The following NRXN2 variants were observed in gnomAD, a reference collection of about 807,000 sequenced individuals.
NRXN2 encodes the protein neurexin-2-beta.
A neutral mutation model predicts 128.8 loss-of-function variants in NRXN2; 29 were observed. The ratio of observed to expected loss-of-function variants is 0.23; its 90% CI spans 0.17 to 0.31. The LOEUF (loss-of-function observed/expected upper bound fraction) is 0.31. Among genes scored for constraint, NRXN2 ranks in the 10% least tolerant of loss-of-function variants. NRXN2 has a pLI of 1.00. For synonymous variants in NRXN2, 1,098 were observed against 1,075.2 expected, an observed-to-expected ratio of 1.02 and a Z score of -0.41; for missense variants, 1,881 against 2,452.6, an observed-to-expected ratio of 0.77 and a Z score of 4.92.
intron 2 of NRXN2, among the ~76,000 whole-genome samples, chr11:64,704,486 AAG>A (rs2055937490): frequency 1.3e-5 from 2 of 152,228 alleles, no homozygotes; most frequent in South Asian, 4.1e-4. Context: ...AACGAAAAAA[AAG>A]AACTGTCATT....
intron 22 of NRXN2, among the ~76,000 whole-genome samples, chr11:64,610,441 G>A (rs995531899): frequency 6.6e-6 from 1 of 152,124 alleles, no homozygotes; most frequent in East Asian, 1.9e-4. Flanking sequence ...CTCATGAGGA[G>A]CCCAAGAAAA....
At chr11:64,655,415 A>C (rs2048116172) in intron 11 of NRXN2, among the ~76,000 whole-genome samples, 1 of 152,136 alleles carries the variant, frequency 6.6e-6, no homozygotes, top group Non-Finnish European at 1.5e-5. Context: ...GGCTGCACAG[A>C]GGGGACAGGG....
chr11:64,609,423 T>C (rs531232843), intron 22 of NRXN2, among the ~76,000 whole-genome samples: 3 of 152,250 alleles, frequency 2.0e-5, no homozygotes, highest in East Asian at 1.9e-4. Flanking sequence ...ACCTGCTAAA[T>C]AGGGCCCATG....
chr11:64,692,260 G>A (rs902620965), intron 4 of NRXN2, among the ~76,000 whole-genome samples: 47 of 152,192 alleles, frequency 3.1e-4, no homozygotes, highest in African/African-American at 1.0e-3. Context: ...GAAGGCGTGC[G>A]GGTGGGCAGG....
At chr11:64,647,157 G>A (rs79210240) in intron 17 of NRXN2, among the ~76,000 whole-genome samples, 2,649 of 151,950 alleles carry the variant, frequency 0.017, 64 homozygotes, top group African/African-American at 0.059. Flanking sequence ...TCCAGAAATC[G>A]ACTGTCCCTC....
chr11:64,667,986 G>A lies in NRXN2; in HGVS notation c.1360-298C>T, dbSNP rs574957343. On this transcript the variant is annotated intron_variant, in intron 8 of 22. Transcript: ENST00000265459. This position sits in a 1 kb window ranked among gnomAD's most constrained non-coding sequence, Gnocchi z 5.6. ...TCATAATAATGACAAGGCCACTGACGTGTGGTAGCTGTTTTCCACTCAATG... is the reference window on the plus strand; with the variant it reads ...TCATAATAATGACAAGGCCACTGACATGTGGTAGCTGTTTTCCACTCAATG... 2.0e-5 allele frequency among the ~76,000 whole-genome samples: 3 copies of A among 152,296 alleles called. No individual in the cohort carries two copies. The highest frequency in any genetic ancestry group is 4.1e-4 in the South Asian group (2 of 4,824).
rs2050191393 is a variant in NRXN2, at chr11:64,668,468, T to C, written c.1334A>G (p.Asn445Ser). 5 of 1,614,048 alleles carry C rather than the reference T, an allele frequency of 3.1e-6. No homozygotes were observed. The highest frequency in any genetic ancestry group is 1.3e-5 in the African/African-American group (1 of 75,050). ...GTCCTTGAGGCAGCCCATGAAGTTG[T>C]TGCTGACGGGCGAGCCCGGCAGGTC... is the stretch of plus-strand genomic sequence containing the variant. ...TADLPGSPVS[N>S]NFMGCLKDVV... The change falls in exon 8 of 23, where the codon AAC becomes AGC. Residue 445 changes from asparagine (N) to serine (S), a missense_variant. Physicochemically the swap from Asn to Ser is conservative, Grantham distance 46. Around this residue, in one of 7 missense-constraint regions of NRXN2, gnomAD observed 997 missense variants for 1,240.8 expected, o/e 0.80. Coordinates refer to ENST00000265459, the MANE Select transcript of NRXN2 (RefSeq NM_015080.4).
intron 2 of NRXN2, among the ~76,000 whole-genome samples, chr11:64,711,006 C>A (rs1311613225): frequency 6.6e-6 from 1 of 152,188 alleles, no homozygotes; most frequent in Admixed American, 6.5e-5. Flanking sequence ...TAACCCACAA[C>A]CTTGTACCAA....
chr11:64,701,903 G>T (rs1205386045), intron 2 of NRXN2, among the ~76,000 whole-genome samples: 1 of 65,578 alleles, frequency 1.5e-5, no homozygotes, highest in Non-Finnish European at 2.6e-5. Context: ...GGAGGGAGGT[G>T]GGGGGGGTCA....
At chr11:64,686,018 C>T (rs1041778962) in intron 5 of NRXN2, 71 bp from the exon 6 acceptor site, 11 of 1,554,100 alleles carry the variant, frequency 7.1e-6, no homozygotes, top group South Asian at 5.7e-5. Context: ...TCCCTCTCCC[C>T]TCCAGCAACG....
At chr11:64,677,924 A>G (rs2051581056) in intron 6 of NRXN2, among the ~76,000 whole-genome samples, 1 of 152,174 alleles carries the variant, frequency 6.6e-6, no homozygotes, top group Non-Finnish European at 1.5e-5. Flanking sequence ...AAGAGTGGGC[A>G]TAACCCCTAG....
intron 11 of NRXN2, among the ~76,000 whole-genome samples, chr11:64,654,027 C>T (rs1186227122): frequency 1.3e-5 from 2 of 152,162 alleles, no homozygotes; most frequent in African/African-American, 4.8e-5. Context: ...GGGAGACGGG[C>T]ACCTTGGGAA....
intron 9 of NRXN2, among the ~76,000 whole-genome samples, chr11:64,664,432 T>G (rs1210854876): frequency 1.4e-5 from 2 of 147,644 alleles, no homozygotes; most frequent in African/African-American, 5.1e-5. Context: ...GAGCCGAGAT[T>G]GCGCCACTGC....
chr11:64,704,839 C>T (rs1180860938), intron 2 of NRXN2, among the ~76,000 whole-genome samples: 1 of 152,154 alleles, frequency 6.6e-6, no homozygotes, highest in East Asian at 1.9e-4. Context: ...AGGGGAATCA[C>T]GACCACCTTG....
Position 64,622,231 on chromosome 11 carries a change from A to G in NRXN2, c.4173+522T>C, listed in dbSNP as rs2042457910. On this transcript the variant is annotated intron_variant, in intron 21 of 22. Coordinates refer to ENST00000265459, the MANE Select transcript of NRXN2 (RefSeq NM_015080.4). The surrounding 1 kb of genome is among the most constrained non-coding windows in gnomAD (Gnocchi z 4.3). The stretch of plus-strand genomic sequence containing the variant: ...CCCACTGCAGGGACCCCAGCAAACA[A>G]GGAGAGGCTCCTCCTAGCTTCCACC... Among the ~76,000 whole-genome samples, 1 of 152,134 alleles carries G rather than the reference A, an allele frequency of 6.6e-6. No homozygotes were observed. Among genetic ancestry groups the G allele is most frequent in the African/African-American group, 2.4e-5 (1 of 41,428 alleles).
chr11:64,668,142 T>TGGAA (rs1029913627), intron 8 of NRXN2, among the ~76,000 whole-genome samples: 2 of 151,922 alleles, frequency 1.3e-5, no homozygotes, highest in African/African-American at 4.8e-5. Flanking sequence ...AACCAATGAG[T>TGGAA]GGAAGAGTTG....
chr11:64,702,659 A>G (rs1392438756), intron 2 of NRXN2, among the ~76,000 whole-genome samples: 7 of 151,772 alleles, frequency 4.6e-5, no homozygotes, highest in Non-Finnish European at 8.8e-5. Context: ...GGACACAAAC[A>G]CTGCGGAAGG....
chr11:64,690,547 G>A, intron 4 of NRXN2, 71 bp from the exon 5 acceptor site: 1 of 1,333,600 alleles, frequency 7.5e-7, no homozygotes, highest in African/African-American at 1.4e-5. Context: ...TTGAGGGGAT[G>A]AAGGGCCCTC....
Position 64,666,204 on chromosome 11 carries a change from ATT to A in NRXN2, c.1798+1044_1798+1045del, listed in dbSNP as rs35403625. ...TGCTCAGTAACTGCTGAGTGAGTTAATTTTTTTTTTTTTTTTTTTGACAGTCT... is the reference window on the plus strand; with the variant it reads ...TGCTCAGTAACTGCTGAGTGAGTTAATTTTTTTTTTTTTTTTTGACAGTCT... On this transcript the variant is annotated intron_variant, in intron 9 of 22. Transcript: ENST00000265459. 1.4e-3 allele frequency among the ~76,000 whole-genome samples: 191 copies of A among 137,104 alleles called. 2 individuals carry two copies. Among genetic ancestry groups the A allele is most frequent in the African/African-American group, 2.0e-3 (73 of 36,604 alleles). 89.9% of individuals were successfully genotyped at this position (137,104 alleles called of 152,430 possible).
Sources: gnomAD v4.1 joint callset for allele counts (sites outside exome capture counted in the v4.1 genomes callset) on GRCh38, gnomAD v4.1.1 for gene constraint, gnomAD v4.1.1 regional missense constraint, Gnocchi (gnomAD v3.1) non-coding constraint, MANE v1.5 for transcripts, NCBI Gene and HGNC (gene_info 2026-07-23, HGNC 2026-07-21) for gene names.